The following MAPKBP1 variants were observed in gnomAD, a reference collection of about 807,000 sequenced individuals.
The protein encoded by MAPKBP1 is mitogen-activated protein kinase binding protein 1.
MAPKBP1 carries 71 observed loss-of-function variants against 170.5 expected under a neutral mutation model. The observed-to-expected ratio is 0.42, with a 90% CI of 0.34 to 0.51. The LOEUF (loss-of-function observed/expected upper bound fraction) is 0.51, where lower values mean the gene tolerates loss of function less well. MAPKBP1 is among the 20% of genes least tolerant of loss of function. The probability of loss-of-function intolerance (pLI) is 0.06; values close to 1 mark genes in which losing one functional copy is unlikely to be tolerated. For missense variants in MAPKBP1, 1,598 were observed against 1,933.0 expected, an observed-to-expected ratio of 0.83 and a Z score of 3.25; for synonymous variants, 719 against 757.9, an observed-to-expected ratio of 0.95 and a Z score of 0.84.
In MAPKBP1 at chr15:41,827,850, T is replaced by C; in HGVS notation, c.*2414T>C. ...GAACTTGTCAATAAACACAATTGTT[T>C]GTTAACCCTGGGATGCCGGCCAGTG... On this transcript the variant is annotated 3_prime_UTR_variant, in exon 31 of 31. Transcript: ENST00000457542. 2.3e-6 allele frequency: 1 copy of C among 427,190 alleles called. No individual in the cohort carries two copies. The highest frequency in any genetic ancestry group is 4.1e-6 in the Non-Finnish European group (1 of 242,558). 26.5% of individuals were successfully genotyped at this position (427,190 alleles called of 1,614,324 possible).
intron 3 of MAPKBP1, among the ~76,000 whole-genome samples, chr15:41,802,471 T>C (rs554498391): frequency 6.6e-6 from 1 of 152,228 alleles, no homozygotes; most frequent in Non-Finnish European, 1.5e-5. Flanking sequence ...TACAAAAATA[T>C]CTTTCTTTTA....
intron 1 of MAPKBP1, 61 bp from the exon 2 acceptor site, chr15:41,775,106 G>A (rs1262322006): frequency 4.9e-6 from 3 of 609,490 alleles, no homozygotes; most frequent in Non-Finnish European, 8.8e-6. Flanking sequence ...GGTAAAAGCT[G>A]CAGACTTCGC....
chr15:41,810,654 G>A, intron 3 of MAPKBP1: 1 of 505,292 alleles, frequency 2.0e-6, no homozygotes, highest in Admixed American at 3.7e-5. Flanking sequence ...GCAAGTTGAG[G>A]CTGCACTGAG....
In MAPKBP1 at chr15:41,818,406, G is replaced by A. The variant is rs898297456; in HGVS notation, c.2092+101G>A. ...CTCTTCTATTAGTTTCTTGGGACCC[G>A]CAGAGCTACCTATCCCTACCCTGCA... is the stretch of plus-strand genomic sequence containing the variant. On this transcript the variant is annotated intron_variant, in intron 18 of 30. Transcript: ENST00000457542. The surrounding 1 kb of genome is among the most constrained non-coding windows in gnomAD (Gnocchi z 5.2). The A allele has an allele frequency of 7.2e-6, 10 of 1,396,326 alleles. No individual in the cohort carries two copies. The Admixed American group carries it at 8.7e-5, about 12-fold the overall frequency. The allele number at this position is 1,396,326 out of a possible 1,614,324, so 86.5% of individuals were successfully genotyped here. A position where few individuals can be genotyped will look rare whatever the true frequency, so the allele number is the denominator to read the frequency against.
At chr15:41,813,389 C>A (rs369292595) in intron 8 of MAPKBP1, 7 of 1,520,662 alleles carry the variant, frequency 4.6e-6, no homozygotes, top group Non-Finnish European at 5.5e-6. Context: ...CATGCTATTT[C>A]TTTCTCTTCA....
At chr15:41,774,951 A>G in intron 1 of MAPKBP1, 1 of 479,740 alleles carries the variant, frequency 2.1e-6, no homozygotes, top group East Asian at 3.2e-5. Flanking sequence ...CGCCAGTTAA[A>G]CGCCTCTGGC....
chr15:41,781,156 A>G (rs1463175236), intron 2 of MAPKBP1, among the ~76,000 whole-genome samples: 1 of 151,038 alleles, frequency 6.6e-6, no homozygotes, highest in Non-Finnish European at 1.5e-5. Context: ...GCTCACTGCA[A>G]CCTCCACCTC....
rs372231225 is a variant in MAPKBP1, at chr15:41,816,644, G to A, written c.1579G>A (p.Asp527Asn). 6.2e-6 allele frequency: 10 copies of A among 1,613,586 alleles called. No individual in the cohort carries two copies. The highest frequency in any genetic ancestry group is 8.5e-6 in the Non-Finnish European group (10 of 1,179,952). ...TCTGTGCCTGGAGTATTCTAAGCCA[G>A]ACACAGGTTAGGAGAATGCCCGGAA... ...EILCLEYSKP[D>N]TGLKLLASAS... Residue 527 changes from aspartate to asparagine, a missense_variant, in exon 13 of 31, where the codon GAC becomes AAC. By Grantham distance (23) the Asp-to-Asn change is conservative. Transcript: ENST00000457542.
At chr15:41,808,250 G>A (rs2064738323) in intron 3 of MAPKBP1, among the ~76,000 whole-genome samples, 1 of 150,874 alleles carries the variant, frequency 6.6e-6, no homozygotes, top group Non-Finnish European at 1.5e-5. Context: ...GGGACTACAG[G>A]TGCCCGCCAC....
At chr15:41,780,246 A>AT (rs760851824) in intron 2 of MAPKBP1, among the ~76,000 whole-genome samples, 1 of 152,240 alleles carries the variant, frequency 6.6e-6, no homozygotes, top group South Asian at 2.1e-4. Context: ...GGTATTTTGA[A>AT]TGTCTTTCAT....
At chr15:41,785,366 T>C (rs1298160873) in intron 2 of MAPKBP1, among the ~76,000 whole-genome samples, 2 of 152,194 alleles carry the variant, frequency 1.3e-5, no homozygotes, top group South Asian at 2.1e-4. Context: ...TTTTTGATAC[T>C]AACTTGTGTG....
In MAPKBP1 at chr15:41,823,557, C is replaced by T. The variant is rs757310245; in HGVS notation, c.3709C>T (p.Arg1237Trp). The T allele has an allele frequency of 1.4e-5, 22 of 1,614,070 alleles. No individual in the cohort carries two copies. The highest frequency in any genetic ancestry group is 1.1e-4 in the East Asian group (5 of 44,888). ...SLPPADGRPS[R>W]PHSYQNPTTS... ...GCCCCCAGCTGATGGCCGTCCGTCT[C>T]GGCCTCACTCCTATCAGAACCCCAC... The change falls in exon 29 of 31, where the codon CGG (arginine) becomes TGG (tryptophan). Residue 1237 changes from arginine (R) to tryptophan (W), a missense_variant. This residue lies in a region of MAPKBP1 where 942 missense variants were observed against 953.2 expected (regional missense o/e 0.99). Coordinates refer to ENST00000457542, the MANE Select transcript of MAPKBP1 (RefSeq NM_014994.3).
In MAPKBP1 at chr15:41,825,652, C is replaced by T; in HGVS notation, c.*216C>T. 2.0e-6 allele frequency: 1 copy of T among 505,090 alleles called. No homozygotes were observed. The highest frequency in any genetic ancestry group is 3.5e-6 in the Non-Finnish European group (1 of 283,978). 31.3% of individuals were successfully genotyped at this position (505,090 alleles called of 1,614,324 possible). On this transcript the variant is annotated 3_prime_UTR_variant, in exon 31 of 31. Transcript: ENST00000457542. ...CACTTCCTTGGAACTCCTGCCTCCA[C>T]AGCCCCTCCAGTGGCAGGGACAGGT... is the stretch of plus-strand genomic sequence containing the variant.
intron 3 of MAPKBP1, among the ~76,000 whole-genome samples, chr15:41,803,233 G>A (rs1182094001): frequency 6.6e-6 from 1 of 151,682 alleles, no homozygotes; most frequent in African/African-American, 2.4e-5. Context: ...TGGCCAACAT[G>A]GTGAAATCTT....
At chr15:41,777,572 C>G (rs1450952944) in intron 2 of MAPKBP1, among the ~76,000 whole-genome samples, 1 of 152,156 alleles carries the variant, frequency 6.6e-6, no homozygotes, top group African/African-American at 2.4e-5. Context: ...TTGAATGACC[C>G]TTGAATGGTC....
At chr15:41,780,489 C>T (rs1341838884) in intron 2 of MAPKBP1, among the ~76,000 whole-genome samples, 2 of 152,114 alleles carry the variant, frequency 1.3e-5, no homozygotes, top group African/African-American at 2.4e-5. Flanking sequence ...TCAGAGTATC[C>T]GTTGGTTTTA....
chr15:41,799,961 C>G, intron 3 of MAPKBP1, 47 bp downstream of exon 3: 1 of 1,519,248 alleles, frequency 6.6e-7, no homozygotes, highest in African/African-American at 1.4e-5. Context: ...GAATTTATAG[C>G]CACGCTAGAG....
Position 41,827,595 on chromosome 15 carries a change from T to A in MAPKBP1, c.*2159T>A, listed in dbSNP as rs1046579191. The A allele has an allele frequency of 1.3e-5, 2 of 152,684 alleles. No individual in the cohort carries two copies. The highest frequency in any genetic ancestry group is 2.9e-5 in the Non-Finnish European group (2 of 68,330). 9.5% of individuals were successfully genotyped at this position (152,684 alleles called of 1,614,324 possible). The stretch of plus-strand genomic sequence containing the variant: ...GAATGTGGCCGCCCTTTTCCTGCCC[T>A]CTGCCCCATGTGGGTGGGGGGCCTC... On this transcript the variant is annotated 3_prime_UTR_variant, in exon 31 of 31. Transcript: ENST00000457542.
rs754333592 is a variant in MAPKBP1, at chr15:41,813,795, GC to G, written c.980+20del. 5 of 1,568,990 alleles carry G rather than the reference GC, an allele frequency of 3.2e-6. No individual in the cohort carries two copies. Among genetic ancestry groups the G allele is most frequent in the Non-Finnish European group, 3.5e-6 (4 of 1,158,450 alleles). ...CACCGAGGCCAGGTGAGCTATGTGG[GC>G]CCCCCTTCCTCCATTTGTAGCCTTA... On this transcript the variant is annotated intron_variant, in intron 9 of 30. Transcript: ENST00000457542.
Sources: gnomAD v4.1 joint callset for allele counts (sites outside exome capture counted in the v4.1 genomes callset) on GRCh38, gnomAD v4.1.1 for gene constraint, gnomAD v4.1.1 regional missense constraint, Gnocchi (gnomAD v3.1) non-coding constraint, MANE v1.5 for transcripts, NCBI Gene and HGNC (gene_info 2026-07-23, HGNC 2026-07-21) for gene names.